The following EPHA6 variants were observed in gnomAD, a reference collection of about 807,000 sequenced individuals.
EPHA6 encodes EPH receptor A6, also known as ephrin type-A receptor 6.
In EPHA6, 50 loss-of-function variants were observed where a neutral mutation model predicts 112.0. That is an observed-to-expected ratio of 0.45 (90% CI 0.36 to 0.56). EPHA6 has a LOEUF of 0.56. Among genes scored for constraint, EPHA6 ranks in the 20% least tolerant of loss-of-function variants. The pLI is 0.00. For missense variants in EPHA6, 1,280 were observed against 1,417.4 expected (o/e 0.90, Z 1.56); for synonymous variants, 529 against 490.7 (o/e 1.08, Z -1.03).
At chr3:97,125,810 A>T (rs1032566455) in intron 3 of EPHA6, among the ~76,000 whole-genome samples, 2 of 152,210 alleles carry the variant, frequency 1.3e-5, no homozygotes, top group Non-Finnish European at 2.9e-5. Context: ...TTAAACACAC[A>T]CAACACTCCT....
Position 96,948,700 on chromosome 3 carries a change from C to T in EPHA6, c.451-38630C>T, listed in dbSNP as rs144482898. Among the ~76,000 whole-genome samples the T allele has an allele frequency of 2.7e-4, 41 of 152,116 alleles. No homozygotes were observed. In the East Asian group the frequency reaches 4.8e-3, roughly 18 times the overall value. ...AAGCTCAAGACTCAAGAAATTTGTACGTATATAGCAGATCTAAGATAAATG... is the reference window on the plus strand; with the variant it reads ...AAGCTCAAGACTCAAGAAATTTGTATGTATATAGCAGATCTAAGATAAATG... On this transcript the variant is annotated intron_variant, in intron 2 of 17. Transcript: ENST00000389672.
chr3:97,656,925 A>G (rs954656063), intron 14 of EPHA6, among the ~76,000 whole-genome samples: 1 of 151,944 alleles, frequency 6.6e-6, no homozygotes, highest in East Asian at 1.9e-4. Flanking sequence ...ATCATATGAA[A>G]CATACACATT....
At chr3:97,119,478 A>G (rs913631438) in intron 3 of EPHA6, among the ~76,000 whole-genome samples, 8 of 151,954 alleles carry the variant, frequency 5.3e-5, no homozygotes, top group Admixed American at 5.3e-4. Context: ...GAAGCAATAA[A>G]AAGCTGAGCA....
At chr3:97,745,569 T>C (rs1376642294) in intron 16 of EPHA6, 2 of 237,060 alleles carry the variant, frequency 8.4e-6, no homozygotes. Flanking sequence ...ACAAGGTATA[T>C]GCATTTAATT....
intron 5 of EPHA6, among the ~76,000 whole-genome samples, chr3:97,261,527 AC>A: frequency 6.6e-6 from 1 of 152,280 alleles, no homozygotes; most frequent in East Asian, 1.9e-4. Flanking sequence ...AAAATTTTTA[AC>A]TTGTCTCTCA....
intron 3 of EPHA6, among the ~76,000 whole-genome samples, chr3:97,095,682 T>C (rs1215626762): frequency 6.6e-6 from 1 of 152,028 alleles, no homozygotes; most frequent in East Asian, 1.9e-4. Context: ...GAAAGTGGTG[T>C]GTGTAACTCT....
chr3:97,325,776 A>G lies in EPHA6; in HGVS notation c.1607-79374A>G, dbSNP rs187845058. 2.8e-4 allele frequency among the ~76,000 whole-genome samples: 43 copies of G among 152,194 alleles called. 1 individual carries two copies. In the East Asian group the frequency reaches 7.9e-3, roughly 28 times the overall value. On this transcript the variant is annotated intron_variant, in intron 5 of 17. Coordinates refer to ENST00000389672, the MANE Select transcript of EPHA6 (RefSeq NM_001080448.3). The stretch of plus-strand genomic sequence containing the variant: ...AAAATAATTTGAAATTCATACTCCT[A>G]TGGGCAGCTATCCTATGCCTAGTTA...
intron 3 of EPHA6, among the ~76,000 whole-genome samples, chr3:97,011,994 CT>C (rs1422084845): frequency 6.6e-6 from 1 of 152,086 alleles, no homozygotes; most frequent in Non-Finnish European, 1.5e-5. Flanking sequence ...ATTTCTTTCT[CT>C]TTTTTGTGGC....
chr3:97,018,904 C>A (rs1426545561), intron 3 of EPHA6, among the ~76,000 whole-genome samples: 1 of 152,186 alleles, frequency 6.6e-6, no homozygotes, highest in Non-Finnish European at 1.5e-5. Flanking sequence ...CGGGCGTCTT[C>A]CCAGACGCTG....
intron 1 of EPHA6, among the ~76,000 whole-genome samples, chr3:96,864,167 A>C (rs2036170706): frequency 6.6e-6 from 1 of 152,098 alleles, no homozygotes; most frequent in Admixed American, 6.6e-5. Flanking sequence ...CCAGATGGAT[A>C]GTTTATTTAA....
intron 2 of EPHA6, among the ~76,000 whole-genome samples, chr3:96,926,384 T>C (rs1301708500): frequency 1.3e-5 from 2 of 152,110 alleles, no homozygotes; most frequent in Middle Eastern, 3.2e-3. Flanking sequence ...TATCATTCCA[T>C]CCCTGCCCCC....
intron 2 of EPHA6, among the ~76,000 whole-genome samples, chr3:96,896,760 C>G (rs552936214): frequency 6.6e-6 from 1 of 152,280 alleles, no homozygotes; most frequent in African/African-American, 2.4e-5. Context: ...GGAAATTCAA[C>G]ATAACAAAAA....
chr3:96,959,798 AG>A (rs1399738029), intron 2 of EPHA6, among the ~76,000 whole-genome samples: 3 of 151,968 alleles, frequency 2.0e-5, no homozygotes, highest in South Asian at 4.1e-4. Flanking sequence ...AACGAAACAT[AG>A]AAAAAGACAA....
chr3:96,973,761 G>A (rs2042405622), intron 2 of EPHA6, among the ~76,000 whole-genome samples: 1 of 149,068 alleles, frequency 6.7e-6, no homozygotes, highest in Admixed American at 6.7e-5. Context: ...GGGCGTGGGG[G>A]CTGCAGTGAG....
intron 5 of EPHA6, among the ~76,000 whole-genome samples, chr3:97,274,499 A>G (rs1300633368): frequency 1.3e-5 from 2 of 152,194 alleles, no homozygotes; most frequent in Non-Finnish European, 2.9e-5. Context: ...TTCAGCCCAT[A>G]CAACAGCATG....
chr3:97,297,825 A>G (rs2080930991), intron 5 of EPHA6, among the ~76,000 whole-genome samples: 1 of 152,186 alleles, frequency 6.6e-6, no homozygotes, highest in Admixed American at 6.5e-5. Context: ...GTGCAGTTGC[A>G]TGATCTTGGC....
chr3:97,479,531 C>A (rs148878390), intron 9 of EPHA6, among the ~76,000 whole-genome samples, 167 bp downstream of exon 9: 35 of 152,208 alleles, frequency 2.3e-4, no homozygotes, highest in African/African-American at 7.9e-4. Context: ...GTGAAAGTTG[C>A]ACCTGCTTCT....
intron 5 of EPHA6, among the ~76,000 whole-genome samples, chr3:97,299,683 C>T (rs1295946071): frequency 6.6e-6 from 1 of 152,082 alleles, no homozygotes; most frequent in East Asian, 1.9e-4. Flanking sequence ...GATGATTTTG[C>T]TACAAAATTA....
chr3:96,937,615 A>T (rs2040668981), intron 2 of EPHA6, among the ~76,000 whole-genome samples: 1 of 151,950 alleles, frequency 6.6e-6, no homozygotes, highest in Non-Finnish European at 1.5e-5. Context: ...GTTTAATTAG[A>T]TCCATTTTTG....
Sources: gnomAD v4.1 joint callset for allele counts (sites outside exome capture counted in the v4.1 genomes callset) on GRCh38, gnomAD v4.1.1 for gene constraint, MANE v1.5 for transcripts, NCBI Gene and HGNC (gene_info 2026-07-23, HGNC 2026-07-21) for gene names.